Variants in TSPAN18 observed in about 807,000 individuals in gnomAD.
TSPAN18 encodes tetraspanin 18.
Under a neutral mutation model 27.3 loss-of-function variants are expected in TSPAN18, and 14 were observed. The observed-to-expected ratio is 0.51, with a 90% confidence interval of 0.34 to 0.80. TSPAN18 has a LOEUF of 0.80. Ranked by LOEUF, TSPAN18 falls within the 30% of genes least tolerant of loss-of-function variation. The pLI is 0.01. For synonymous variants in TSPAN18, 143 were observed against 136.5 expected, an observed-to-expected ratio of 1.05 and a Z score of -0.33; for missense variants, 268 against 323.9, an observed-to-expected ratio of 0.83 and a Z score of 1.32.
intron 5 of TSPAN18, 41 bp from the exon 6 acceptor site, chr11:44,917,931 G>T: frequency 4.4e-6 from 7 of 1,607,414 alleles, no homozygotes; most frequent in African/African-American, 1.3e-5. Context: ...CCCATCCCCT[G>T]CCTGCCCTCT....
At chr11:44,845,058 G>T (rs562700244) in intron 2 of TSPAN18, among the ~76,000 whole-genome samples, 35 of 152,218 alleles carry the variant, frequency 2.3e-4, no homozygotes, top group Non-Finnish European at 4.3e-4. Flanking sequence ...CTTCCCTGAT[G>T]ACTGTCTTAT....
intron 2 of TSPAN18, among the ~76,000 whole-genome samples, chr11:44,805,971 A>T (rs1337480321): frequency 6.6e-6 from 1 of 151,540 alleles, no homozygotes; most frequent in African/African-American, 2.4e-5. Flanking sequence ...CTCCGCAGAG[A>T]TTCTTTCCAT....
intron 1 of TSPAN18, among the ~76,000 whole-genome samples, chr11:44,728,709 C>T (rs932962228): frequency 1.3e-5 from 2 of 152,188 alleles, no homozygotes; most frequent in Non-Finnish European, 2.9e-5. Flanking sequence ...AGTTGTCTGG[C>T]CTCAGGGTCC....
Position 44,896,746 on chromosome 11 carries a change from C to T in TSPAN18, c.-10-9661C>T, listed in dbSNP as rs1859068724. Among the ~76,000 whole-genome samples the T allele has an allele frequency of 2.0e-5, 3 of 152,246 alleles. No homozygotes were observed. The South Asian group carries it at 6.2e-4, about 32-fold the overall frequency. ...GTCCTCCCCACTGTGGGTTCCCCAGCCCTGCTGTTATCTGCCTCCTTGTCT... is the reference window on the plus strand; with the variant it reads ...GTCCTCCCCACTGTGGGTTCCCCAGTCCTGCTGTTATCTGCCTCCTTGTCT... On this transcript the variant is annotated intron_variant, in intron 3 of 9. Transcript: ENST00000520358.
intron 1 of TSPAN18, among the ~76,000 whole-genome samples, chr11:44,747,270 C>T (rs556624116): frequency 7.9e-5 from 12 of 152,362 alleles, no homozygotes; most frequent in Non-Finnish European, 1.3e-4. Flanking sequence ...AGAGGCAGCT[C>T]TCTGGGGCAC....
At chr11:44,748,432 T>C (rs1018591037) in intron 1 of TSPAN18, among the ~76,000 whole-genome samples, 1 of 152,066 alleles carries the variant, frequency 6.6e-6, no homozygotes, top group Non-Finnish European at 1.5e-5. Context: ...CATCACTTTC[T>C]TCCACAGTAT....
intron 8 of TSPAN18, among the ~76,000 whole-genome samples, chr11:44,922,951 A>T (rs1860198839): frequency 6.6e-6 from 1 of 152,198 alleles, no homozygotes; most frequent in African/African-American, 2.4e-5. Context: ...TCTACTAAAA[A>T]TACAAAAATT....
At chr11:44,828,126 T>C (rs1857081804) in intron 2 of TSPAN18, among the ~76,000 whole-genome samples, 1 of 152,090 alleles carries the variant, frequency 6.6e-6, no homozygotes, top group African/African-American at 2.4e-5. Context: ...CTTGCACAGG[T>C]GGCTGTGCAG....
chr11:44,759,843 A>G (rs1036075818), intron 1 of TSPAN18, among the ~76,000 whole-genome samples: 2 of 152,210 alleles, frequency 1.3e-5, no homozygotes, highest in African/African-American at 4.8e-5. Flanking sequence ...CAAAAAATAT[A>G]CTATTACCTA....
At position 44,748,947 on chromosome 11, in the gene TSPAN18, G is replaced by C. The variant is rs184109184; in HGVS notation, c.-239-15479G>C. 1.5e-3 allele frequency among the ~76,000 whole-genome samples: 222 copies of C among 152,290 alleles called. 1 individual carries two copies. Among genetic ancestry groups the C allele is most frequent in the Non-Finnish European group, 2.1e-3 (140 of 68,024 alleles). On this transcript the variant is annotated intron_variant, in intron 1 of 9. Transcript: ENST00000520358. ...GTGTGTACCGCCCTGTTGAATCCTT[G>C]CAACAACCCTACAGGTTAAGTGTGG...
At chr11:44,778,445 G>A (rs73450645) in intron 2 of TSPAN18, among the ~76,000 whole-genome samples, 6,906 of 152,214 alleles carry the variant, frequency 0.045, 546 homozygotes, top group African/African-American at 0.16. Flanking sequence ...AAACAAGCTA[G>A]GCAGGCACTA....
chr11:44,799,396 C>T (rs887412103), intron 2 of TSPAN18, among the ~76,000 whole-genome samples: 5 of 152,146 alleles, frequency 3.3e-5, no homozygotes, highest in African/African-American at 9.7e-5. Flanking sequence ...ATGCCAACCT[C>T]GGATTTAAAA....
chr11:44,844,410 T>C (rs368277172), intron 2 of TSPAN18, among the ~76,000 whole-genome samples: 1 of 152,188 alleles, frequency 6.6e-6, no homozygotes, highest in East Asian at 1.9e-4. Context: ...TTAGCTTTAA[T>C]AGATGCTGTC....
chr11:44,742,010 T>A (rs911534861), intron 1 of TSPAN18, among the ~76,000 whole-genome samples: 1 of 151,834 alleles, frequency 6.6e-6, no homozygotes, highest in Non-Finnish European at 1.5e-5. Flanking sequence ...TGTAGCTCAT[T>A]CAATGCCCAG....
At chr11:44,824,275 A>C (rs927047083) in intron 2 of TSPAN18, among the ~76,000 whole-genome samples, 1 of 152,082 alleles carries the variant, frequency 6.6e-6, no homozygotes, top group Admixed American at 6.5e-5. Flanking sequence ...ATTTTAATTT[A>C]TTGGTCCTGG....
At chr11:44,779,633 C>G (rs758799257) in intron 2 of TSPAN18, among the ~76,000 whole-genome samples, 12 of 152,128 alleles carry the variant, frequency 7.9e-5, no homozygotes, top group Non-Finnish European at 1.6e-4. Flanking sequence ...GCCTTAATGC[C>G]TGCCTTCCAT....
At chr11:44,837,420 A>G (rs1187856939) in intron 2 of TSPAN18, among the ~76,000 whole-genome samples, 3 of 152,244 alleles carry the variant, frequency 2.0e-5, no homozygotes, top group Non-Finnish European at 4.4e-5. Context: ...GTTACTTCCT[A>G]TGGATAAGCA....
At chr11:44,903,278 A>C (rs1859331799) in intron 3 of TSPAN18, 1 of 383,218 alleles carries the variant, frequency 2.6e-6, no homozygotes, top group South Asian at 1.9e-5. Flanking sequence ...ATTAAGTGGG[A>C]CTGGCATAGT....
chr11:44,900,186 T>TC (rs538958968), intron 3 of TSPAN18, among the ~76,000 whole-genome samples: 118 of 152,312 alleles, frequency 7.7e-4, no homozygotes, highest in African/African-American at 2.8e-3. Context: ...TGGAGGTGTG[T>TC]CCCCACATTC....
Sources: allele counts gnomAD v4.1 joint callset (sites outside exome capture counted in the v4.1 genomes callset), GRCh38; gene constraint gnomAD v4.1.1; transcripts MANE v1.5; gene names NCBI Gene and HGNC (gene_info 2026-07-23, HGNC 2026-07-21).